Variants in CAMTA1 observed in about 807,000 individuals in gnomAD.
CAMTA1 encodes the protein calmodulin binding transcription activator 1.
CAMTA1 carries 27 observed loss-of-function variants against 170.9 expected under a neutral mutation model. The ratio of observed to expected loss-of-function variants is 0.16; its 90% CI spans 0.12 to 0.22. The LOEUF (loss-of-function observed/expected upper bound fraction) is 0.22, where lower values mean the gene tolerates loss of function less well. Among genes scored for constraint, CAMTA1 ranks in the 10% least tolerant of loss-of-function variants. The pLI is 1.00. For missense variants in CAMTA1, 1,619 were observed against 2,217.2 expected, an observed-to-expected ratio of 0.73 and a Z score of 5.42; for synonymous variants, 833 against 891.5, an observed-to-expected ratio of 0.93 and a Z score of 1.17.
intron 9 of CAMTA1, among the ~76,000 whole-genome samples, chr1:7,666,950 G>A (rs748306257): frequency 6.6e-6 from 1 of 152,058 alleles, no homozygotes. Flanking sequence ...GTGCAATGGC[G>A]CCATCTCGGC....
intron 22 of CAMTA1, among the ~76,000 whole-genome samples, chr1:7,761,530 C>A (rs1251945513): frequency 6.6e-6 from 1 of 152,144 alleles, no homozygotes; most frequent in Non-Finnish European, 1.5e-5. Flanking sequence ...CACTCAGTAA[C>A]CCTTAGCTAA....
At chr1:7,142,158 C>T (rs1438179942) in intron 4 of CAMTA1, 2 of 518,522 alleles carry the variant, frequency 3.9e-6, no homozygotes, top group East Asian at 5.5e-5. Context: ...GAGCCCTGCT[C>T]TACTGCCAGC....
chr1:7,015,161 T>G (rs1293983237), intron 3 of CAMTA1, among the ~76,000 whole-genome samples: 1 of 152,182 alleles, frequency 6.6e-6, no homozygotes, highest in Non-Finnish European at 1.5e-5. Flanking sequence ...GAGGTTCTTC[T>G]CACCTGCTGT....
chr1:7,679,028 G>C (rs1026945570), intron 11 of CAMTA1, among the ~76,000 whole-genome samples: 1 of 152,208 alleles, frequency 6.6e-6, no homozygotes, highest in Non-Finnish European at 1.5e-5. Context: ...AATTCCCTGG[G>C]GTGGCTTTGG....
intron 5 of CAMTA1, among the ~76,000 whole-genome samples, chr1:7,460,075 C>G (rs139689733): frequency 6.6e-6 from 1 of 152,362 alleles, no homozygotes; most frequent in East Asian, 1.9e-4. Context: ...CAGCCGCTCA[C>G]TGTGGGTCCC....
intron 5 of CAMTA1, among the ~76,000 whole-genome samples, chr1:7,342,808 T>C (rs1010361947): frequency 6.6e-6 from 1 of 152,178 alleles, no homozygotes; most frequent in African/African-American, 2.4e-5. Context: ...GCCTGAGCAC[T>C]CCCAGGTCTG....
intron 6 of CAMTA1, among the ~76,000 whole-genome samples, chr1:7,508,354 G>A (rs976803421): frequency 2.0e-5 from 3 of 152,252 alleles, no homozygotes; most frequent in African/African-American, 2.4e-5. Context: ...AAGCTGGGAC[G>A]TGGGGCTGGT....
intron 5 of CAMTA1, among the ~76,000 whole-genome samples, chr1:7,309,546 G>A (rs944093138): frequency 1.3e-5 from 2 of 151,728 alleles, no homozygotes; most frequent in African/African-American, 4.8e-5. Flanking sequence ...TGATCCGCCC[G>A]CCTCGGCCTC....
rs117419267 is a variant in CAMTA1, at chr1:7,536,174, G to A, written c.510+68273G>A. 2.9e-3 allele frequency among the ~76,000 whole-genome samples: 447 copies of A among 152,290 alleles called. 1 individual carries two copies. The highest frequency in any genetic ancestry group is 9.3e-3 in the African/African-American group (387 of 41,560). ...AGGTGACATTCCAGCCCCCGTCATC[G>A]TGTGTATTAAGTGACAGGGCTCATA... On this transcript the variant is annotated intron_variant, in intron 6 of 22. Transcript: ENST00000303635.
intron 3 of CAMTA1, among the ~76,000 whole-genome samples, chr1:6,897,634 A>G (rs1675927769): frequency 6.6e-6 from 1 of 152,202 alleles, no homozygotes; most frequent in African/African-American, 2.4e-5. Flanking sequence ...TCTTTCCCAC[A>G]GAGATTAATT....
intron 5 of CAMTA1, among the ~76,000 whole-genome samples, chr1:7,254,474 T>C (rs1352077060): frequency 6.6e-6 from 1 of 152,196 alleles, no homozygotes; most frequent in Non-Finnish European, 1.5e-5. Context: ...CATTTTCAGA[T>C]GTGAAGAGAA....
chr1:7,273,306 A>C (rs561687316), intron 5 of CAMTA1, among the ~76,000 whole-genome samples: 1 of 152,384 alleles, frequency 6.6e-6, no homozygotes, highest in South Asian at 2.1e-4. Context: ...ATTATTAATC[A>C]TAGCAACAAG....
chr1:7,002,967 G>A (rs1572362292), intron 3 of CAMTA1, among the ~76,000 whole-genome samples: 1 of 152,214 alleles, frequency 6.6e-6, no homozygotes, highest in East Asian at 1.9e-4. Context: ...ACTCCTTGAA[G>A]GAACATGGTA....
intron 5 of CAMTA1, among the ~76,000 whole-genome samples, chr1:7,424,978 G>A (rs900029466): frequency 2.0e-5 from 3 of 152,158 alleles, no homozygotes; most frequent in Admixed American, 2.0e-4. Context: ...AGGCAGGATG[G>A]ACTTGGCTTC....
At chr1:7,089,401 A>G (rs888301916) in intron 3 of CAMTA1, among the ~76,000 whole-genome samples, 3 of 152,218 alleles carry the variant, frequency 2.0e-5, no homozygotes, top group Non-Finnish European at 4.4e-5. Flanking sequence ...AATAATTGGC[A>G]AAGTTTTAGT....
At chr1:6,944,116 A>C (rs1176576557) in intron 3 of CAMTA1, among the ~76,000 whole-genome samples, 2 of 152,122 alleles carry the variant, frequency 1.3e-5, no homozygotes, top group Non-Finnish European at 1.5e-5. Flanking sequence ...TGAGGGAACC[A>C]TACAGTATTT....
intron 3 of CAMTA1, among the ~76,000 whole-genome samples, chr1:7,022,158 C>T (rs1701443593): frequency 6.6e-6 from 1 of 152,148 alleles, no homozygotes; most frequent in South Asian, 2.1e-4. Context: ...TAGCACTTAC[C>T]CTTGAGATTT....
At chr1:7,021,878 A>G (rs1442368984) in intron 3 of CAMTA1, among the ~76,000 whole-genome samples, 1 of 152,178 alleles carries the variant, frequency 6.6e-6, no homozygotes, top group Non-Finnish European at 1.5e-5. Context: ...CTGGGGTTTG[A>G]GCACTGGAAG....
chr1:6,886,394 ATCTTAAG>A, intron 3 of CAMTA1: 2 of 412,794 alleles, frequency 4.8e-6, no homozygotes, highest in Non-Finnish European at 9.5e-6. Flanking sequence ...TTGTGCTGAT[ATCTTAAG>A]TAACTAATTA....
Sources: allele counts gnomAD v4.1 joint callset (sites outside exome capture counted in the v4.1 genomes callset), GRCh38; gene constraint gnomAD v4.1.1; transcripts MANE v1.5; gene names NCBI Gene and HGNC (gene_info 2026-07-23, HGNC 2026-07-21).